Variants in ZNF407 observed in about 807,000 individuals in gnomAD.
The protein encoded by ZNF407 is zinc finger protein 407.
In ZNF407, 17 loss-of-function variants were observed where a neutral mutation model predicts 131.2. The observed-to-expected ratio is 0.13, with a 90% CI of 0.09 to 0.19. ZNF407 has a LOEUF of 0.19. Among genes scored for constraint, ZNF407 ranks in the 10% least tolerant of loss-of-function variants. The probability of loss-of-function intolerance (pLI) is 1.00; values close to 1 mark genes in which losing one functional copy is unlikely to be tolerated. For missense variants in ZNF407, 2,681 were observed against 2,830.6 expected (o/e 0.95, Z 1.20); for synonymous variants, 1,156 against 1,062.0 (o/e 1.09, Z -1.72).
chr18:75,006,667 G>C (rs1007618504), intron 8 of ZNF407, among the ~76,000 whole-genome samples: 8 of 152,162 alleles, frequency 5.3e-5, no homozygotes, highest in African/African-American at 1.9e-4. Context: ...TTGCCTTTTG[G>C]TACAGCAGTG....
chr18:75,020,825 A>G (rs1973101458), intron 8 of ZNF407, among the ~76,000 whole-genome samples: 1 of 152,180 alleles, frequency 6.6e-6, no homozygotes, highest in African/African-American at 2.4e-5. Context: ...ACTCCTTCCT[A>G]ATCTAATCTG....
intron 8 of ZNF407, among the ~76,000 whole-genome samples, chr18:74,980,429 C>T (rs572839927): frequency 8.6e-5 from 13 of 152,024 alleles, no homozygotes; most frequent in East Asian, 5.8e-4. Context: ...CTCAGCCTCC[C>T]GAGTAGCTGG....
intron 3 of ZNF407, among the ~76,000 whole-genome samples, chr18:74,729,505 GT>G (rs991097514): frequency 2.7e-5 from 4 of 150,446 alleles, no homozygotes; most frequent in South Asian, 2.1e-4. Context: ...GTGTGTGTGT[GT>G]TTTTTTTTGT....
At chr18:74,856,410 C>A (rs1289236015) in intron 4 of ZNF407, among the ~76,000 whole-genome samples, 1 of 152,136 alleles carries the variant, frequency 6.6e-6, no homozygotes, top group Admixed American at 6.5e-5. Context: ...CTATAAATTT[C>A]TTTGAAACAC....
chr18:74,842,145 G>T (rs572844155), intron 4 of ZNF407, among the ~76,000 whole-genome samples: 1 of 152,118 alleles, frequency 6.6e-6, no homozygotes, highest in Admixed American at 6.5e-5. Context: ...TATTCTGTTG[G>T]ATACTAGGCT....
At chr18:74,751,211 C>A (rs1433361010) in intron 3 of ZNF407, among the ~76,000 whole-genome samples, 1 of 152,030 alleles carries the variant, frequency 6.6e-6, no homozygotes, top group South Asian at 2.1e-4. Flanking sequence ...AAGATGTATT[C>A]CTCTAAGATT....
rs138134222 is a variant in ZNF407 at position 75,027,621 on chromosome 18, G to A, written c.5429-35529G>A. On this transcript the variant is annotated intron_variant, in intron 8 of 8. Transcript: ENST00000299687. ...AGTTTCCATCTTGAGCTATGTGCAA[G>A]TGTTGTTGCCATCTGATCTCTAATT... Among the ~76,000 whole-genome samples, 736 of 152,300 alleles carry A rather than the reference G, an allele frequency of 4.8e-3. 5 individuals carry two copies. Among genetic ancestry groups the A allele is most frequent in the African/African-American group, 0.016 (685 of 41,554 alleles).
At chr18:74,912,443 G>T (rs1279371811) in intron 7 of ZNF407, among the ~76,000 whole-genome samples, 1 of 152,100 alleles carries the variant, frequency 6.6e-6, no homozygotes, top group African/African-American at 2.4e-5. Flanking sequence ...TGATGGAGTG[G>T]CAGGTGAATA....
At chr18:74,796,285 A>G (rs1178456537) in intron 4 of ZNF407, among the ~76,000 whole-genome samples, 1 of 152,176 alleles carries the variant, frequency 6.6e-6, no homozygotes, top group African/African-American at 2.4e-5. Flanking sequence ...TTATATCTTC[A>G]GTATATTAAT....
chr18:74,903,427 T>C (rs1328828095), intron 7 of ZNF407, among the ~76,000 whole-genome samples: 1 of 152,226 alleles, frequency 6.6e-6, no homozygotes, highest in African/African-American at 2.4e-5. Flanking sequence ...GTTCATGTCC[T>C]TTTTGGGAAT....
intron 3 of ZNF407, among the ~76,000 whole-genome samples, chr18:74,658,713 T>A (rs141040778): frequency 0.014 from 2,122 of 152,338 alleles, 21 homozygotes; most frequent in Non-Finnish European, 0.02. Context: ...GGGATATTCC[T>A]GAATTGTTTC....
chr18:74,840,260 G>A (rs1438671150), intron 4 of ZNF407, among the ~76,000 whole-genome samples: 1 of 151,876 alleles, frequency 6.6e-6, no homozygotes, highest in East Asian at 1.9e-4. Flanking sequence ...GCAGGACTTA[G>A]TCTTTGGCCT....
chr18:74,794,260 T>C (rs1969879132), intron 4 of ZNF407, among the ~76,000 whole-genome samples: 1 of 152,214 alleles, frequency 6.6e-6, no homozygotes. Context: ...CATCTGCCAT[T>C]GTCTTCGTTT....
chr18:75,009,162 T>C (rs1368935707), intron 8 of ZNF407, among the ~76,000 whole-genome samples: 2 of 152,226 alleles, frequency 1.3e-5, no homozygotes, highest in Non-Finnish European at 2.9e-5. Flanking sequence ...TCTCACCAGT[T>C]ACTCAAGTTT....
intron 1 of ZNF407, among the ~76,000 whole-genome samples, chr18:74,605,850 C>T (rs550610549): frequency 2.0e-5 from 3 of 152,048 alleles, no homozygotes; most frequent in Admixed American, 6.5e-5. Context: ...ACCCAGCCCA[C>T]GTCTGTGTGT....
intron 4 of ZNF407, among the ~76,000 whole-genome samples, chr18:74,836,823 G>A (rs1020882645): frequency 6.6e-6 from 1 of 152,192 alleles, no homozygotes; most frequent in African/African-American, 2.4e-5. Context: ...TGAAGTCACT[G>A]TGGCTTGACC....
intron 3 of ZNF407, among the ~76,000 whole-genome samples, chr18:74,727,410 G>C (rs1327336930): frequency 1.3e-5 from 2 of 152,138 alleles, no homozygotes; most frequent in Non-Finnish European, 2.9e-5. Flanking sequence ...GGTTCTGCTG[G>C]TTATTTGTTT....
intron 8 of ZNF407, among the ~76,000 whole-genome samples, chr18:74,989,546 G>A (rs1021683764): frequency 6.6e-6 from 1 of 152,098 alleles, no homozygotes; most frequent in Non-Finnish European, 1.5e-5. Flanking sequence ...TTAGATATTG[G>A]AATTACATTT....
At chr18:74,652,006 C>T (rs1307310404) in intron 3 of ZNF407, among the ~76,000 whole-genome samples, 1 of 152,100 alleles carries the variant, frequency 6.6e-6, no homozygotes, top group Non-Finnish European at 1.5e-5. Flanking sequence ...TCTCTCCTGT[C>T]AGATTTTAAT....
Sources: gnomAD v4.1 joint callset for allele counts (sites outside exome capture counted in the v4.1 genomes callset) on GRCh38, gnomAD v4.1.1 for gene constraint, MANE v1.5 for transcripts, NCBI Gene and HGNC (gene_info 2026-07-23, HGNC 2026-07-21) for gene names.